CYRIB: variants seen among roughly 807,000 people sequenced by gnomAD.
CYRIB encodes the protein CYFIP related Rac1 interactor B.
In CYRIB, 8 loss-of-function variants were observed where a neutral mutation model predicts 44.2. The observed-to-expected ratio is 0.18, with a 90% CI of 0.11 to 0.33. The LOEUF is 0.33. Among genes scored for constraint, CYRIB ranks in the 10% least tolerant of loss-of-function variants. The probability of loss-of-function intolerance (pLI) is 1.00; values close to 1 mark genes in which losing one functional copy is unlikely to be tolerated. For missense variants in CYRIB, 185 were observed against 382.8 expected, an observed-to-expected ratio of 0.48 and a Z score of 4.31; for synonymous variants, 131 against 127.2, an observed-to-expected ratio of 1.03 and a Z score of -0.20.
At chr8:129,870,887 G>A (rs1336473271) in intron 4 of CYRIB, among the ~76,000 whole-genome samples, 1 of 152,070 alleles carries the variant, frequency 6.6e-6, no homozygotes, top group East Asian at 1.9e-4. Context: ...ACAGGATGAA[G>A]AACAAAGGTA....
chr8:129,956,701 A>G (rs185078801), intron 2 of CYRIB, among the ~76,000 whole-genome samples: 99 of 152,190 alleles, frequency 6.5e-4, no homozygotes, highest in African/African-American at 2.2e-3. Flanking sequence ...CAGGGTCACA[A>G]TGAGCCCAGA....
chr8:129,988,022 G>A (rs1355345862), intron 1 of CYRIB, among the ~76,000 whole-genome samples: 1 of 152,174 alleles, frequency 6.6e-6, no homozygotes, highest in East Asian at 1.9e-4. Context: ...CTGCGAGCAC[G>A]CCAACAGACA....
At chr8:129,879,021 T>C (rs1484545164) in intron 3 of CYRIB, among the ~76,000 whole-genome samples, 1 of 152,202 alleles carries the variant, frequency 6.6e-6, no homozygotes, top group African/African-American at 2.4e-5. Flanking sequence ...GGTCGATTTT[T>C]CTTGACTATA....
intron 1 of CYRIB, among the ~76,000 whole-genome samples, chr8:129,976,457 A>T (rs1229765049): frequency 6.6e-6 from 1 of 152,226 alleles, no homozygotes; most frequent in Non-Finnish European, 1.5e-5. Context: ...GCAACAATGT[A>T]AAAAATTATT....
intron 2 of CYRIB, among the ~76,000 whole-genome samples, chr8:129,956,177 A>C (rs535026559): frequency 1.3e-5 from 2 of 152,220 alleles, no homozygotes; most frequent in African/African-American, 2.4e-5. Context: ...TCTTTGTAAA[A>C]CATCGAGAAT....
At chr8:129,975,223 C>G (rs1321685294) in intron 1 of CYRIB, among the ~76,000 whole-genome samples, 1 of 151,886 alleles carries the variant, frequency 6.6e-6, no homozygotes, top group African/African-American at 2.4e-5. Flanking sequence ...ACCATATTGC[C>G]CAGGCTGGTC....
intron 1 of CYRIB, among the ~76,000 whole-genome samples, chr8:130,011,354 C>G (rs2134454414): frequency 6.6e-6 from 1 of 151,792 alleles, no homozygotes; most frequent in Middle Eastern, 3.4e-3. Context: ...AACCCTGTCT[C>G]TACTAAAAAT....
upstream of CYRIB, among the ~76,000 whole-genome samples, chr8:129,944,246 C>T (rs2093976436): frequency 6.6e-6 from 1 of 152,014 alleles, no homozygotes; most frequent in Non-Finnish European, 1.5e-5. Flanking sequence ...CTGTGGGGTC[C>T]AGGAGAGGGA....
At chr8:129,955,487 G>T (rs963100719) in intron 2 of CYRIB, among the ~76,000 whole-genome samples, 1 of 151,916 alleles carries the variant, frequency 6.6e-6, no homozygotes, top group Non-Finnish European at 1.5e-5. Context: ...ACACATCGAG[G>T]CTCCCATCAG....
chr8:130,002,278 T>G (rs1489271932), intron 1 of CYRIB, among the ~76,000 whole-genome samples: 6 of 152,014 alleles, frequency 3.9e-5, no homozygotes. Flanking sequence ...CTGGGTAACA[T>G]AGGGAGACCC....
intron 1 of CYRIB, among the ~76,000 whole-genome samples, chr8:129,976,335 A>C (rs1400031797): frequency 1.3e-5 from 2 of 152,234 alleles, no homozygotes; most frequent in Non-Finnish European, 2.9e-5. Flanking sequence ...AATATGCAAT[A>C]AACATCTGCT....
At chr8:129,977,450 A>T (rs371282839) in intron 1 of CYRIB, among the ~76,000 whole-genome samples, 2 of 152,280 alleles carry the variant, frequency 1.3e-5, no homozygotes, top group African/African-American at 4.8e-5. Flanking sequence ...CTGTATGTAA[A>T]TGTCAATAAT....
At chr8:129,924,302 G>GT (rs1589934599) in intron 1 of CYRIB, among the ~76,000 whole-genome samples, 2 of 96,168 alleles carry the variant, frequency 2.1e-5, no homozygotes, top group Non-Finnish European at 4.5e-5. Flanking sequence ...GGGGGGGGGG[G>GT]GGGTGGCGGG....
intron 1 of CYRIB, among the ~76,000 whole-genome samples, chr8:130,005,668 C>T (rs921633045): frequency 2.0e-5 from 3 of 152,108 alleles, no homozygotes; most frequent in African/African-American, 7.2e-5. Flanking sequence ...CTGGGAGATG[C>T]TTCCTCTTTC....
At chr8:129,842,010 A>T (rs2036559081) in exon 12 of CYRIB, 1 of 654,354 alleles carries the variant, frequency 1.5e-6, no homozygotes, top group Non-Finnish European at 2.6e-6. Context: ...ATTAAAAAAG[A>T]GGGAAGAGGA....
chr8:129,908,450 A>T (rs1439313986), intron 1 of CYRIB, among the ~76,000 whole-genome samples: 2 of 152,194 alleles, frequency 1.3e-5, no homozygotes, highest in African/African-American at 4.8e-5. Context: ...TTAAATTATT[A>T]AGTTATTTGA....
At chr8:129,860,757 A>T (rs1480182067) in intron 5 of CYRIB, among the ~76,000 whole-genome samples, 1 of 152,096 alleles carries the variant, frequency 6.6e-6, no homozygotes, top group Non-Finnish European at 1.5e-5. Flanking sequence ...ATAAAAACTT[A>T]TTACAAACTA....
chr8:129,912,199 T>TCA (rs1554618532), intron 1 of CYRIB, among the ~76,000 whole-genome samples: 1 of 152,110 alleles, frequency 6.6e-6, no homozygotes, highest in Non-Finnish European at 1.5e-5. Context: ...GCTTTACAGT[T>TCA]TATATATATA....
At chr8:130,012,439 G>T (rs561761909) in intron 1 of CYRIB, among the ~76,000 whole-genome samples, 1 of 152,226 alleles carries the variant, frequency 6.6e-6, no homozygotes, top group Admixed American at 6.5e-5. Context: ...TCAGGGGAGG[G>T]TAAGACATTG....
Sources: gnomAD v4.1 joint callset for allele counts (sites outside exome capture counted in the v4.1 genomes callset) on GRCh38, gnomAD v4.1.1 for gene constraint, MANE v1.5 for transcripts, NCBI Gene and HGNC (gene_info 2026-07-23, HGNC 2026-07-21) for gene names.